Variants in IGSF3 observed in about 807,000 individuals in gnomAD.
IGSF3 encodes the protein immunoglobulin superfamily member 3, also known as glu-Trp-Ile EWI motif-containing protein 3.
A neutral mutation model predicts 114.4 loss-of-function variants in IGSF3; 23 were observed. The ratio of observed to expected loss-of-function variants is 0.20; its 90% CI spans 0.14 to 0.28. The LOEUF is 0.28. Ranked by LOEUF, IGSF3 falls within the 10% of genes least tolerant of loss-of-function variation. The probability of loss-of-function intolerance (pLI) is 1.00; values close to 1 mark genes in which losing one functional copy is unlikely to be tolerated. For missense variants in IGSF3, 1,172 were observed against 1,591.5 expected, an observed-to-expected ratio of 0.74 and a Z score of 4.48; for synonymous variants, 571 against 645.2, an observed-to-expected ratio of 0.88 and a Z score of 1.74.
At position 116,633,038 on chromosome 1, in the gene IGSF3, G is replaced by A. The variant is rs1326677532; in HGVS notation, c.44-16581C>T. On this transcript the variant is annotated intron_variant, in intron 2 of 10. Transcript: ENST00000369486. This position sits in a 1 kb window ranked among gnomAD's most constrained non-coding sequence, Gnocchi z 4.3. ...TACAGAGAAAAAAATAGCTTCAAAT[G>A]CTATATAGACCAATGCTGCACGCTG... Among the ~76,000 whole-genome samples, 3 of 152,212 alleles carry A rather than the reference G, an allele frequency of 2.0e-5. No homozygotes were observed. Among genetic ancestry groups the A allele is most frequent in the Non-Finnish European group, 4.4e-5 (3 of 68,030 alleles).
Position 116,655,724 on chromosome 1 carries a change from C to T in IGSF3, c.43+10560G>A, listed in dbSNP as rs1159067426. ...AACAAGAACACTTAACTGAATTAGA[C>T]ACAAAACTAAGTATTTATGGTTGTC... On this transcript the variant is annotated intron_variant, in intron 2 of 10. Transcript: ENST00000369486. The surrounding 1 kb of genome is among the most constrained non-coding windows in gnomAD (Gnocchi z 4.3). Among the ~76,000 whole-genome samples, 1 of 152,134 alleles carries T rather than the reference C, an allele frequency of 6.6e-6. No homozygotes were observed. Among genetic ancestry groups the T allele is most frequent in the Non-Finnish European group, 1.5e-5 (1 of 68,026 alleles).
chr1:116,583,972 C>T lies in IGSF3; in HGVS notation c.2848+673G>A, dbSNP rs573723783. ...AAAGCCGAGGCGGTGGTGGGGGTCA[C>T]GAGGTCAGGAGATCGAGACCAGCTT... On this transcript the variant is annotated intron_variant, in intron 9 of 10. Coordinates refer to ENST00000369486, the MANE Select transcript of IGSF3 (RefSeq NM_001007237.3). The surrounding 1 kb of genome is among the most constrained non-coding windows in gnomAD (Gnocchi z 4.5). Among the ~76,000 whole-genome samples, 23 of 152,258 alleles carry T rather than the reference C, an allele frequency of 1.5e-4. No individual in the cohort carries two copies. The highest frequency in any genetic ancestry group is 5.1e-4 in the African/African-American group (21 of 41,540).
chr1:116,640,170 G>C (rs1648028055), intron 2 of IGSF3, among the ~76,000 whole-genome samples: 1 of 151,926 alleles, frequency 6.6e-6, no homozygotes, highest in South Asian at 2.1e-4. Context: ...CATGACAACA[G>C]CAGCCATTGC....
At position 116,638,226 on chromosome 1, in the gene IGSF3, G is replaced by GGGACT. The variant is rs1647923762; in HGVS notation, c.44-21774_44-21770dup. ...TCTCTTTTGTTCTTTCATCAAGCCA[G>GGGACT]GGACTCCTGCTCCTCTCTCCCTAGT... On this transcript the variant is annotated intron_variant, in intron 2 of 10. Transcript: ENST00000369486. This position sits in a 1 kb window ranked among gnomAD's most constrained non-coding sequence, Gnocchi z 4.1. Among the ~76,000 whole-genome samples the GGGACT allele has an allele frequency of 6.6e-6, 1 of 152,162 alleles. No homozygotes were observed. The highest frequency in any genetic ancestry group is 1.5e-5 in the Non-Finnish European group (1 of 68,036).
rs1362712924 is a variant in IGSF3 at position 116,633,155 on chromosome 1, T to G, written c.44-16698A>C. 6.6e-6 allele frequency among the ~76,000 whole-genome samples: 1 copy of G among 152,222 alleles called. No individual in the cohort carries two copies. Among genetic ancestry groups the G allele is most frequent in the African/African-American group, 2.4e-5 (1 of 41,460 alleles). On this transcript the variant is annotated intron_variant, in intron 2 of 10. Coordinates refer to ENST00000369486, the MANE Select transcript of IGSF3 (RefSeq NM_001007237.3). This position sits in a 1 kb window ranked among gnomAD's most constrained non-coding sequence, Gnocchi z 4.3. ...TCCCTTTGAAGGCCAGCTAAGAAGTTGGTCCCAGCCTGGGCATGGTACCAC... is the reference window on the plus strand; with the variant it reads ...TCCCTTTGAAGGCCAGCTAAGAAGTGGGTCCCAGCCTGGGCATGGTACCAC...
Position 116,612,013 on chromosome 1 carries a change from G to A in IGSF3, c.832+1752C>T, listed in dbSNP as rs775427751. ...CCTAAACAGCACAGGAATGCAGGGTGAAGTCATCAACTTTTTTTTCACTTA... is the reference window on the plus strand; with the variant it reads ...CCTAAACAGCACAGGAATGCAGGGTAAAGTCATCAACTTTTTTTTCACTTA... On this transcript the variant is annotated intron_variant, in intron 4 of 10. Coordinates refer to ENST00000369486, the MANE Select transcript of IGSF3 (RefSeq NM_001007237.3). This position sits in a 1 kb window ranked among gnomAD's most constrained non-coding sequence, Gnocchi z 4.1. Among the ~76,000 whole-genome samples the A allele has an allele frequency of 3.3e-5, 5 of 152,216 alleles. No individual in the cohort carries two copies. The highest frequency in any genetic ancestry group is 7.2e-5 in the African/African-American group (3 of 41,452).
In IGSF3 at chr1:116,583,766, T is replaced by C. The variant is rs1405143681; in HGVS notation, c.2848+879A>G. On this transcript the variant is annotated intron_variant, in intron 9 of 10. Transcript: ENST00000369486. The surrounding 1 kb of genome is among the most constrained non-coding windows in gnomAD (Gnocchi z 4.5). ...AAGGACATGGGAATCCTGCACATCGTAGCTTTGATTATGTGTTTAAATGTG... is the reference window on the plus strand; with the variant it reads ...AAGGACATGGGAATCCTGCACATCGCAGCTTTGATTATGTGTTTAAATGTG... 6.6e-6 allele frequency among the ~76,000 whole-genome samples: 1 copy of C among 152,086 alleles called. No homozygotes were observed. Among genetic ancestry groups the C allele is most frequent in the Non-Finnish European group, 1.5e-5 (1 of 67,960 alleles).
At chr1:116,578,090 T>C (rs910049200) in intron 10 of IGSF3, among the ~76,000 whole-genome samples, 4 of 152,220 alleles carry the variant, frequency 2.6e-5, no homozygotes, top group African/African-American at 9.6e-5. Flanking sequence ...GTCCACAGTG[T>C]GTCCGTGGCC....
rs949208227 is a variant in IGSF3, at chr1:116,582,560, T to C, written c.2848+2085A>G. 2.0e-5 allele frequency among the ~76,000 whole-genome samples: 3 copies of C among 152,234 alleles called. No individual in the cohort carries two copies. The highest frequency in any genetic ancestry group is 7.2e-5 in the African/African-American group (3 of 41,454). On this transcript the variant is annotated intron_variant, in intron 9 of 10. Coordinates refer to ENST00000369486, the MANE Select transcript of IGSF3 (RefSeq NM_001007237.3). The surrounding 1 kb of genome is among the most constrained non-coding windows in gnomAD (Gnocchi z 4.7). ...CCTAACAATACTTTTAGAGCTATAT[T>C]ATTTCAAGTCTTCCATGTGTTTAAC...
Position 116,583,083 on chromosome 1 carries a change from G to T in IGSF3, c.2848+1562C>A, listed in dbSNP as rs1659667441. Among the ~76,000 whole-genome samples, 3 of 152,304 alleles carry T rather than the reference G, an allele frequency of 2.0e-5. No homozygotes were observed. In the South Asian group the frequency reaches 6.2e-4, roughly 32 times the overall value. ...TCTGCCTGCACCTGCTGGCTGGGTG[G>T]TGATTCGCTCCATGCTTTGGTCCCT... On this transcript the variant is annotated intron_variant, in intron 9 of 10. Transcript: ENST00000369486. The surrounding 1 kb of genome is among the most constrained non-coding windows in gnomAD (Gnocchi z 4.5).
chr1:116,653,115 A>G (rs1279230532), intron 2 of IGSF3, among the ~76,000 whole-genome samples: 3 of 152,212 alleles, frequency 2.0e-5, no homozygotes, highest in African/African-American at 7.2e-5. Context: ...TGCAGGCAGG[A>G]TGATCATGGG....
In IGSF3 at chr1:116,598,377, C is replaced by T. The variant is rs764068310; in HGVS notation, c.2029+1564G>A. ...AAAATGGGGTCTCTGCTTAACCTTCCATTAACCTGAAAATCCATTTAAGCA... is the reference window on the plus strand; with the variant it reads ...AAAATGGGGTCTCTGCTTAACCTTCTATTAACCTGAAAATCCATTTAAGCA... On this transcript the variant is annotated intron_variant, in intron 7 of 10. Coordinates refer to ENST00000369486, the MANE Select transcript of IGSF3 (RefSeq NM_001007237.3). The surrounding 1 kb of genome is among the most constrained non-coding windows in gnomAD (Gnocchi z 4.3). Among the ~76,000 whole-genome samples, 4 of 152,198 alleles carry T rather than the reference C, an allele frequency of 2.6e-5. No homozygotes were observed. Among genetic ancestry groups the T allele is most frequent in the Non-Finnish European group, 4.4e-5 (3 of 68,038 alleles).
At position 116,603,589 on chromosome 1, in the gene IGSF3, T is replaced by A. The variant is rs373260049; in HGVS notation, c.1624+35A>T. 3.1e-6 allele frequency: 5 copies of A among 1,596,532 alleles called. No homozygotes were observed. Among genetic ancestry groups the A allele is most frequent in the African/African-American group, 1.3e-5 (1 of 74,794 alleles). On this transcript the variant is annotated intron_variant, in intron 6 of 10. Transcript: ENST00000369486. The surrounding 1 kb of genome is among the most constrained non-coding windows in gnomAD (Gnocchi z 7.1). The stretch of plus-strand genomic sequence containing the variant: ...GTGTTTGACACTGAAGCTGTCTCCA[T>A]GCCAGACCCACTGCCAGTCCCACCG...
chr1:116,613,565 C>T (rs1031409412), intron 4 of IGSF3, among the ~76,000 whole-genome samples, 200 bp downstream of exon 4: 2 of 152,240 alleles, frequency 1.3e-5, no homozygotes, highest in Non-Finnish European at 2.9e-5. Context: ...GTGGCACCTG[C>T]CTGTGACTCA....
chr1:116,635,100 G>A (rs1350104283), intron 2 of IGSF3, among the ~76,000 whole-genome samples: 4 of 152,168 alleles, frequency 2.6e-5, no homozygotes, highest in African/African-American at 7.2e-5. Flanking sequence ...TTTGCTTTAA[G>A]CCACTATGAT....
In IGSF3 at chr1:116,665,334, C is replaced by T. The variant is rs1390818483; in HGVS notation, c.43+950G>A. ...GAACCCTGTAGGCAACAATCATAATCCCTTCTGAATGCAGAGGACCGAGCC... is the reference window on the plus strand; with the variant it reads ...GAACCCTGTAGGCAACAATCATAATTCCTTCTGAATGCAGAGGACCGAGCC... On this transcript the variant is annotated intron_variant, in intron 2 of 10. Coordinates refer to ENST00000369486, the MANE Select transcript of IGSF3 (RefSeq NM_001007237.3). The surrounding 1 kb of genome is among the most constrained non-coding windows in gnomAD (Gnocchi z 4.0). Among the ~76,000 whole-genome samples, 1 of 152,188 alleles carries T rather than the reference C, an allele frequency of 6.6e-6. No homozygotes were observed. The highest frequency in any genetic ancestry group is 1.5e-5 in the Non-Finnish European group (1 of 68,032).
chr1:116,590,072 A>C (rs1019020032), intron 7 of IGSF3, among the ~76,000 whole-genome samples: 1 of 151,492 alleles, frequency 6.6e-6, no homozygotes, highest in Non-Finnish European at 1.5e-5. Context: ...GCGGGGGGAG[A>C]GGGGGCTTCC....
rs1647956896 is a variant in IGSF3, at chr1:116,638,950, C to A, written c.44-22493G>T. On this transcript the variant is annotated intron_variant, in intron 2 of 10. Transcript: ENST00000369486. The surrounding 1 kb of genome is among the most constrained non-coding windows in gnomAD (Gnocchi z 4.1). ...CTGAACCATTCCAGCTGCGCCACTG[C>A]CCAGGAAAAAAGTCACAGGTAGGAA... 6.6e-6 allele frequency among the ~76,000 whole-genome samples: 1 copy of A among 152,108 alleles called. No individual in the cohort carries two copies. Among genetic ancestry groups the A allele is most frequent in the South Asian group, 2.1e-4 (1 of 4,818 alleles).
At chr1:116,578,652 T>C (rs535961823) in intron 10 of IGSF3, among the ~76,000 whole-genome samples, 25 of 152,256 alleles carry the variant, frequency 1.6e-4, no homozygotes, top group African/African-American at 5.1e-4. Flanking sequence ...ATTCCAGCAA[T>C]CTTTTTTTTC....
Sources: allele counts gnomAD v4.1 joint callset (sites outside exome capture counted in the v4.1 genomes callset), GRCh38; gene constraint gnomAD v4.1.1; non-coding constraint Gnocchi (gnomAD v3.1); transcripts MANE v1.5; gene names NCBI Gene and HGNC (gene_info 2026-07-23, HGNC 2026-07-21).